The following CHP1 variants were observed in gnomAD, a reference collection of about 807,000 sequenced individuals.
CHP1 encodes calcineurin B homologous protein 1.
CHP1 carries 11 observed loss-of-function variants against 27.4 expected under a neutral mutation model. That is an observed-to-expected ratio of 0.40 (90% confidence interval 0.25 to 0.67). The LOEUF is 0.67. CHP1 is among the 30% of genes least tolerant of loss of function. The probability of loss-of-function intolerance (pLI) is 0.38; values close to 1 mark genes in which losing one functional copy is unlikely to be tolerated. For missense variants in CHP1, 169 were observed against 251.3 expected (o/e 0.67, Z 2.22); for synonymous variants, 89 against 87.4 (o/e 1.02, Z -0.10).
chr15:41,236,079 C>CT (rs11292013), intron 1 of CHP1, among the ~76,000 whole-genome samples: 209 of 138,422 alleles, frequency 1.5e-3, no homozygotes, highest in Middle Eastern at 7.4e-3. Flanking sequence ...ACCCTAAGAA[C>CT]TTTTTTTTTT....
At chr15:41,242,885 G>C (rs2047313913) in intron 1 of CHP1, among the ~76,000 whole-genome samples, 1 of 152,100 alleles carries the variant, frequency 6.6e-6, no homozygotes, top group African/African-American at 2.4e-5. Context: ...AGAGGTTGCA[G>C]TGAGCCAAGA....
intron 5 of CHP1, among the ~76,000 whole-genome samples, chr15:41,271,139 C>T (rs925993011): frequency 6.6e-5 from 10 of 151,628 alleles, no homozygotes; most frequent in Admixed American, 4.0e-4. Context: ...CCTGTAGTCC[C>T]AGCTACTCCG....
intron 3 of CHP1, among the ~76,000 whole-genome samples, chr15:41,259,878 C>T (rs2047423495): frequency 2.0e-5 from 3 of 152,166 alleles, no homozygotes; most frequent in Non-Finnish European, 4.4e-5. Context: ...TCAGCCTCCC[C>T]AAGTAGCTGG....
intron 2 of CHP1, among the ~76,000 whole-genome samples, chr15:41,254,119 T>C (rs2047386439): frequency 1.3e-5 from 2 of 152,130 alleles, no homozygotes; most frequent in African/African-American, 4.8e-5. Flanking sequence ...TTAATACTTT[T>C]AGCAATACTG....
rs191569389 is a variant in CHP1 at position 41,243,352 on chromosome 15, A to T, written c.68-315A>T. 4.6e-5 allele frequency among the ~76,000 whole-genome samples: 7 copies of T among 152,248 alleles called. No homozygotes were observed. The East Asian group carries it at 1.4e-3, about 29-fold the overall frequency. On this transcript the variant is annotated intron_variant, in intron 1 of 6. Transcript: ENST00000334660. ...CAAAACTTTGTCTCAGTAAAATAGGATGGGATAGGATAGGACAGGACAGGA... is the reference window on the plus strand; with the variant it reads ...CAAAACTTTGTCTCAGTAAAATAGGTTGGGATAGGATAGGACAGGACAGGA...
chr15:41,263,381 TG>T (rs1462082127), intron 4 of CHP1, among the ~76,000 whole-genome samples: 1 of 152,172 alleles, frequency 6.6e-6, no homozygotes, highest in East Asian at 1.9e-4. Flanking sequence ...ACTTAAGTAA[TG>T]GGGGACAGCT....
chr15:41,250,517 A>C (rs757753673), intron 2 of CHP1, among the ~76,000 whole-genome samples: 1 of 152,092 alleles, frequency 6.6e-6, no homozygotes, highest in East Asian at 1.9e-4. Flanking sequence ...CAGTGAGCCA[A>C]GATCATGCCA....
At chr15:41,252,026 A>G (rs926360910) in intron 2 of CHP1, among the ~76,000 whole-genome samples, 1 of 151,394 alleles carries the variant, frequency 6.6e-6, no homozygotes, top group African/African-American at 2.4e-5. Flanking sequence ...ATAGGCGTCA[A>G]CCACCACGCC....
chr15:41,281,317 C>G lies in CHP1; in HGVS notation c.*1928C>G, dbSNP rs1403092618. 1.3e-5 allele frequency: 2 copies of G among 152,602 alleles called. No homozygotes were observed. Among genetic ancestry groups the G allele is most frequent in the Non-Finnish European group, 2.9e-5 (2 of 68,036 alleles). The allele number at this position is 152,602 out of a possible 1,614,324, so 9.5% of individuals were successfully genotyped here. ...TAGACCACTGCTAATCCCTTAAAAA[C>G]AAGAGGTCTGGCACTAGTAGCACAA... On this transcript the variant is annotated 3_prime_UTR_variant, in exon 7 of 7. Coordinates refer to ENST00000334660, the MANE Select transcript of CHP1 (RefSeq NM_007236.5).
chr15:41,252,927 G>T (rs867983472), intron 2 of CHP1, among the ~76,000 whole-genome samples: 724 of 65,788 alleles, frequency 0.011, 9 homozygotes, highest in African/African-American at 0.041. Flanking sequence ...ATTTCACATG[G>T]TTTTTTTTTT....
chr15:41,242,396 C>T (rs977147242), intron 1 of CHP1, among the ~76,000 whole-genome samples: 5 of 152,154 alleles, frequency 3.3e-5, no homozygotes, highest in Admixed American at 6.5e-5. Context: ...CCTACCTAGC[C>T]GTACACCTAC....
At chr15:41,258,733 T>G (rs2047415775) in intron 3 of CHP1, among the ~76,000 whole-genome samples, 1 of 152,242 alleles carries the variant, frequency 6.6e-6, no homozygotes, top group South Asian at 2.1e-4. Flanking sequence ...ACATATAAGC[T>G]TGTTTTAAGT....
rs190149041 is a variant in CHP1, at chr15:41,246,691, T to A, written c.140+2952T>A. 3.6e-5 allele frequency among the ~76,000 whole-genome samples: 5 copies of A among 138,232 alleles called. 1 individual carries two copies. The highest frequency in any genetic ancestry group is 1.3e-4 in the African/African-American group (5 of 37,248). The allele number at this position is 138,232 out of a possible 152,430, so 90.7% of individuals were successfully genotyped here. ...TCTGTAGCCCATGGTCTCGATATCCTGACCTCGTGATGCACCTGCCTGGCT... is the reference window on the plus strand; with the variant it reads ...TCTGTAGCCCATGGTCTCGATATCCAGACCTCGTGATGCACCTGCCTGGCT... On this transcript the variant is annotated intron_variant, in intron 2 of 6. Transcript: ENST00000334660.
intron 4 of CHP1, among the ~76,000 whole-genome samples, chr15:41,268,076 A>AAGGG (rs1402031493): frequency 7.9e-5 from 12 of 152,212 alleles, no homozygotes; most frequent in Non-Finnish European, 1.6e-4. Context: ...TAAATCAGGT[A>AAGGG]AGGCCCTTGC....
chr15:41,246,732 C>T (rs182381085), intron 2 of CHP1, among the ~76,000 whole-genome samples: 12 of 148,360 alleles, frequency 8.1e-5, no homozygotes, highest in Non-Finnish European at 7.4e-5. Flanking sequence ...AGTGAAACCC[C>T]GTCTCTATTA....
intron 2 of CHP1, among the ~76,000 whole-genome samples, chr15:41,245,853 G>A (rs2047331872): frequency 6.6e-6 from 1 of 152,054 alleles, no homozygotes; most frequent in African/African-American, 2.4e-5. Flanking sequence ...TTGTGCTTTT[G>A]GTATCATATA....
intron 2 of CHP1, among the ~76,000 whole-genome samples, chr15:41,251,166 A>G (rs1319387444): frequency 1.3e-5 from 2 of 152,138 alleles, no homozygotes; most frequent in African/African-American, 4.8e-5. Flanking sequence ...TTATTGAAGT[A>G]TAACATACAG....
chr15:41,270,495 G>A, intron 4 of CHP1, 62 bp from the exon 5 acceptor site: 7 of 1,252,814 alleles, frequency 5.6e-6, no homozygotes, highest in Non-Finnish European at 8.2e-6. Flanking sequence ...TATATATTTA[G>A]TTCCTTGAGA....
intron 1 of CHP1, among the ~76,000 whole-genome samples, chr15:41,241,716 A>G (rs1489040590): frequency 6.6e-6 from 1 of 152,226 alleles, no homozygotes; most frequent in Non-Finnish European, 1.5e-5. Context: ...CTGATGCTGA[A>G]GAATTCACAG....
Sources: gnomAD v4.1 joint callset for allele counts (sites outside exome capture counted in the v4.1 genomes callset) on GRCh38, gnomAD v4.1.1 for gene constraint, MANE v1.5 for transcripts, NCBI Gene and HGNC (gene_info 2026-07-23, HGNC 2026-07-21) for gene names.